Variants in DOCK1 observed in about 807,000 individuals in gnomAD.
DOCK1 encodes dedicator of cytokinesis protein 1.
A neutral mutation model predicts 262.7 loss-of-function variants in DOCK1; 138 were observed. The observed-to-expected ratio is 0.53, with a 90% CI of 0.46 to 0.61. The LOEUF is 0.61. DOCK1 is among the 20% of genes least tolerant of loss of function. DOCK1 has a pLI of 0.00. For missense variants in DOCK1, 1,908 were observed against 2,370.7 expected (o/e 0.80, Z 4.05); for synonymous variants, 866 against 867.4 (o/e 1.00, Z 0.03).
rs557301451 is a variant in DOCK1, at chr10:127,448,187, C to T, written c.5565+642C>T. ...GGGGTGCTGACCTGGCTTCCTCCAG[C>T]AGCACTGGCCTTTGTAAGCCTAAGC... On this transcript the variant is annotated intron_variant, in intron 51 of 51. Coordinates refer to ENST00000623213, the MANE Select transcript of DOCK1 (RefSeq NM_001290223.2). 3.9e-5 allele frequency among the ~76,000 whole-genome samples: 6 copies of T among 152,286 alleles called. 1 individual carries two copies. The South Asian group carries it at 1.0e-3, about 26-fold the overall frequency.
At chr10:127,040,760 T>C (rs2043964355) in intron 19 of DOCK1, among the ~76,000 whole-genome samples, 1 of 152,248 alleles carries the variant, frequency 6.6e-6, no homozygotes, top group Admixed American at 6.5e-5. Context: ...TATTTTTCTT[T>C]AAATTACAGT....
chr10:127,226,789 G>A (rs1023545977), intron 27 of DOCK1, among the ~76,000 whole-genome samples: 2 of 151,892 alleles, frequency 1.3e-5, no homozygotes, highest in East Asian at 3.9e-4. Context: ...GAGTGGGTGG[G>A]GCTCCTGATG....
chr10:127,409,858 C>T (rs2067741062), intron 42 of DOCK1, among the ~76,000 whole-genome samples: 1 of 152,178 alleles, frequency 6.6e-6, no homozygotes, highest in African/African-American at 2.4e-5. Context: ...ACCCTTCAGC[C>T]TTACAGCACA....
At chr10:126,907,149 A>G (rs915438513) in intron 1 of DOCK1, among the ~76,000 whole-genome samples, 4 of 151,904 alleles carry the variant, frequency 2.6e-5, no homozygotes, top group Non-Finnish European at 5.9e-5. Flanking sequence ...CGGGGTGGAT[A>G]TTCCACCTGA....
intron 27 of DOCK1, among the ~76,000 whole-genome samples, chr10:127,230,730 G>C (rs970011105): frequency 1.4e-4 from 21 of 151,934 alleles, no homozygotes; most frequent in African/African-American, 4.8e-4. Context: ...TTTTGCCCAA[G>C]ATTGCTTTAG....
At chr10:127,355,448 G>A (rs7912491) in intron 32 of DOCK1, among the ~76,000 whole-genome samples, 2 of 151,976 alleles carry the variant, frequency 1.3e-5, no homozygotes, top group Non-Finnish European at 2.9e-5. Context: ...GGCTCCTGCC[G>A]TCAGCCCTCG....
At chr10:126,914,828 G>A (rs180732454) in intron 1 of DOCK1, among the ~76,000 whole-genome samples, 3 of 152,204 alleles carry the variant, frequency 2.0e-5, no homozygotes, top group Non-Finnish European at 2.9e-5. Context: ...CAAAGTGGGC[G>A]GTGGGGAGGG....
At chr10:127,038,747 T>TC (rs113641236) in intron 19 of DOCK1, among the ~76,000 whole-genome samples, 89,399 of 151,828 alleles carry the variant, frequency 0.59, 26,410 homozygotes, top group Admixed American at 0.65. Flanking sequence ...TGGCCGGAGG[T>TC]CCTGGGAGCA....
intron 27 of DOCK1, among the ~76,000 whole-genome samples, chr10:127,191,729 C>T (rs766217629): frequency 6.6e-6 from 1 of 152,266 alleles, no homozygotes; most frequent in Non-Finnish European, 1.5e-5. Flanking sequence ...TAGGATATAG[C>T]CCCATGCTGC....
At chr10:127,273,725 T>TA (rs957046634) in intron 29 of DOCK1, among the ~76,000 whole-genome samples, 13 of 151,714 alleles carry the variant, frequency 8.6e-5, no homozygotes, top group African/African-American at 3.1e-4. Context: ...CTACTAAAAG[T>TA]AAAAAAAGTT....
At chr10:127,113,046 C>T (rs972400314) in intron 25 of DOCK1, among the ~76,000 whole-genome samples, 5 of 152,272 alleles carry the variant, frequency 3.3e-5, no homozygotes, top group Admixed American at 1.3e-4. Context: ...ATTACTTTTG[C>T]AAAATATTCT....
chr10:127,411,078 C>T (rs1374972853), intron 43 of DOCK1, among the ~76,000 whole-genome samples, 154 bp downstream of exon 43: 6 of 152,168 alleles, frequency 3.9e-5, no homozygotes, highest in Non-Finnish European at 8.8e-5. Flanking sequence ...CTATTACCCC[C>T]TCCAAAGTTA....
intron 38 of DOCK1, among the ~76,000 whole-genome samples, chr10:127,392,263 G>A (rs1284802920): frequency 1.3e-5 from 2 of 151,778 alleles, no homozygotes; most frequent in African/African-American, 4.8e-5. Flanking sequence ...GGTGGGCCTC[G>A]AGGCTCTGCA....
intron 5 of DOCK1, among the ~76,000 whole-genome samples, chr10:126,988,608 A>C (rs2039575756): frequency 1.3e-5 from 2 of 152,224 alleles, no homozygotes; most frequent in African/African-American, 2.4e-5. Context: ...TATGGCAACA[A>C]AACAAACAGG....
intron 23 of DOCK1, among the ~76,000 whole-genome samples, chr10:127,069,637 A>T (rs9418832): frequency 6.6e-6 from 1 of 152,212 alleles, no homozygotes; most frequent in Non-Finnish European, 1.5e-5. Context: ...CGGTGGTTTG[A>T]ATGAGGACCG....
intron 47 of DOCK1, among the ~76,000 whole-genome samples, chr10:127,431,207 C>T (rs972371174): frequency 5.3e-5 from 8 of 152,186 alleles, no homozygotes; most frequent in African/African-American, 1.9e-4. Flanking sequence ...CAGTGTCTGG[C>T]CGTGGAGTCC....
intron 27 of DOCK1, among the ~76,000 whole-genome samples, chr10:127,247,448 G>C (rs758107670): frequency 6.6e-6 from 1 of 152,054 alleles, no homozygotes; most frequent in African/African-American, 2.4e-5. Context: ...TGAGAAATTA[G>C]AGGCCTTTCT....
At position 127,426,156 on chromosome 10, in the gene DOCK1, C is replaced by T. The variant is rs151140461; in HGVS notation, c.4914+145C>T. 42 of 1,373,246 alleles carry T rather than the reference C, an allele frequency of 3.1e-5. No individual in the cohort carries two copies. The African/African-American group carries it at 5.0e-4, about 16-fold the overall frequency. 85.1% of individuals were successfully genotyped at this position (1,373,246 alleles called of 1,614,324 possible). A position where few individuals can be genotyped will look rare whatever the true frequency, so the allele number is the denominator to read the frequency against. ...GTGGGATGTGAGGGAGCTCAGCCCC[C>T]TTGGGCAGTCTTGTCTACCGGCAAC... On this transcript the variant is annotated intron_variant, in intron 47 of 51. Transcript: ENST00000623213.
rs1012557190 is a variant in DOCK1 at position 127,311,132 on chromosome 10, A to G, written c.3045-27874A>G. On this transcript the variant is annotated intron_variant, in intron 29 of 51. Coordinates refer to ENST00000623213, the MANE Select transcript of DOCK1 (RefSeq NM_001290223.2). ...CGCCTGGGGCTCTTTTAAAATGTAG[A>G]TTCCAATCCAGAAGGTCTGGGAAGG... 1.6e-4 allele frequency among the ~76,000 whole-genome samples: 24 copies of G among 152,184 alleles called. 1 individual carries two copies. Among genetic ancestry groups the G allele is most frequent in the Admixed American group, 1.5e-3 (23 of 15,270 alleles).
Sources: gnomAD v4.1 joint callset for allele counts (sites outside exome capture counted in the v4.1 genomes callset) on GRCh38, gnomAD v4.1.1 for gene constraint, MANE v1.5 for transcripts, NCBI Gene and HGNC (gene_info 2026-07-23, HGNC 2026-07-21) for gene names.